The following LYZL1 variants were observed in gnomAD, a reference collection of about 807,000 sequenced individuals.
LYZL1 encodes lysozyme-like protein 1.
LYZL1 carries 16 observed loss-of-function variants against 17.9 expected under a neutral mutation model. The observed-to-expected ratio is 0.90, with a 90% CI of 0.61 to 1.36. LYZL1 has a LOEUF of 1.36. LYZL1 is among the 40% of genes most tolerant of loss of function. The pLI is 0.00. For missense variants in LYZL1, 149 were observed against 188.4 expected, an observed-to-expected ratio of 0.79 and a Z score of 1.22; for synonymous variants, 58 against 71.8, an observed-to-expected ratio of 0.81 and a Z score of 0.97.
intron 3 of LYZL1, among the ~76,000 whole-genome samples, chr10:29,317,096 C>T (rs185027078): frequency 5.1e-4 from 77 of 152,198 alleles, no homozygotes; most frequent in African/African-American, 1.6e-3. Flanking sequence ...TAAATTAATA[C>T]GACACAAGAT....
At chr10:29,293,632 A>C (rs1835407301) in intron 3 of LYZL1, among the ~76,000 whole-genome samples, 3 of 152,168 alleles carry the variant, frequency 2.0e-5, no homozygotes, top group African/African-American at 7.2e-5. Context: ...TCATGTAAGG[A>C]GGAGTGCGCT....
chr10:29,315,369 A>C (rs987820561), downstream of LYZL1, among the ~76,000 whole-genome samples: 5 of 152,030 alleles, frequency 3.3e-5, no homozygotes, highest in African/African-American at 1.2e-4. Flanking sequence ...AAAATTAGAC[A>C]GGCATGGTGG....
intron 3 of LYZL1, among the ~76,000 whole-genome samples, chr10:29,296,775 C>T (rs187004929): frequency 2.6e-5 from 4 of 152,260 alleles, no homozygotes; most frequent in African/African-American, 7.2e-5. Context: ...GAGTGGGACT[C>T]CCCAGTGAAC....
In LYZL1 at chr10:29,292,545, G is replaced by C. The variant is rs564091905; in HGVS notation, c.166G>C (p.Gly56Arg). ...GATCTGCATGGCATATTATGAGAGC[G>C]GCTACAACACCACAGCCCAGACGGT... Reference protein sequence around the residue: ...NWICMAYYESGYNTTAQTVLD... With the variant: ...NWICMAYYESRYNTTAQTVLD... Residue 56 changes from glycine (G) to arginine (R), a missense_variant, in exon 3 of 5, where the codon GGC becomes CGC. Physicochemically the swap from Gly to Arg is moderately radical, Grantham distance 125 (BLOSUM62 -2). Transcript: ENST00000649382. The C allele has an allele frequency of 1.9e-6, 3 of 1,614,146 alleles. No individual in the cohort carries two copies. Among genetic ancestry groups the C allele is most frequent in the Admixed American group, 1.7e-5 (1 of 60,006 alleles).
chr10:29,301,809 C>T (rs1835522733), intron 3 of LYZL1, among the ~76,000 whole-genome samples: 1 of 152,124 alleles, frequency 6.6e-6, no homozygotes. Flanking sequence ...ATTGCTGCTG[C>T]TGTCACATTT....
In LYZL1 at chr10:29,310,107, C is replaced by T; in HGVS notation, c.299-3C>T. On this transcript the variant is annotated splice_region_variant and splice_polypyrimidine_tract_variant and intron_variant, in intron 3 of 4. Transcript: ENST00000649382. Reference sequence around the variant, plus strand: ...TAACCCTGATGTCTTCTCTCTTTTACAGCCTTGATCACTGATGACCTCACA... The same window carrying T: ...TAACCCTGATGTCTTCTCTCTTTTATAGCCTTGATCACTGATGACCTCACA... 6.2e-7 allele frequency: 1 copy of T among 1,607,324 alleles called. No individual in the cohort carries two copies. Among genetic ancestry groups the T allele is most frequent in the Non-Finnish European group, 8.5e-7 (1 of 1,174,476 alleles).
intron 3 of LYZL1, among the ~76,000 whole-genome samples, chr10:29,294,436 G>T (rs1031401722): frequency 1.3e-5 from 2 of 152,244 alleles, no homozygotes; most frequent in Non-Finnish European, 2.9e-5. Context: ...GTCATGGTTG[G>T]TGACATGGAG....
intron 1 of LYZL1, among the ~76,000 whole-genome samples, 185 bp downstream of exon 1, chr10:29,289,415 T>G (rs1008930636): frequency 1.6e-4 from 22 of 141,900 alleles, no homozygotes; most frequent in Admixed American, 1.4e-4. Context: ...CTTTTTTCTT[T>G]TCTTTTTTTT....
At chr10:29,298,948 T>C (rs1181001455) in intron 3 of LYZL1, among the ~76,000 whole-genome samples, 2 of 152,244 alleles carry the variant, frequency 1.3e-5, no homozygotes, top group Non-Finnish European at 1.5e-5. Context: ...GAAATAATTA[T>C]ACAACTCACC....
chr10:29,311,262 A>G (rs1294825465), downstream of LYZL1: 2 of 1,432,222 alleles, frequency 1.4e-6, no homozygotes, highest in Non-Finnish European at 1.8e-6. Context: ...TCATAATAGC[A>G]TGGTGTTAAG....
chr10:29,300,422 C>T (rs75484070), intron 3 of LYZL1, among the ~76,000 whole-genome samples: 7,206 of 152,178 alleles, frequency 0.047, 174 homozygotes, highest in Middle Eastern at 0.12. Context: ...TCTTTAATTT[C>T]TCCCATTTCA....
chr10:29,292,433 C>G (rs1835381959), intron 2 of LYZL1, 86 bp from the exon 3 acceptor site: 3 of 1,553,774 alleles, frequency 1.9e-6, no homozygotes, highest in Non-Finnish European at 2.6e-6. Context: ...AGTCAGGTAA[C>G]AAGGATAAGG....
downstream of LYZL1, among the ~76,000 whole-genome samples, chr10:29,315,116 T>G (rs1783692075): frequency 1.3e-5 from 2 of 152,170 alleles, no homozygotes; most frequent in African/African-American, 4.8e-5. Context: ...TTCCTCTGTG[T>G]CTCCAAAATA....
intron 3 of LYZL1, 111 bp from the exon 4 acceptor site, chr10:29,309,999 C>G (rs1465105078): frequency 1.4e-6 from 1 of 714,842 alleles, no homozygotes; most frequent in African/African-American, 1.8e-5. Context: ...AATCATAGTT[C>G]TTCCAACCCT....
At chr10:29,294,541 C>A (rs1835420814) in intron 3 of LYZL1, among the ~76,000 whole-genome samples, 1 of 152,156 alleles carries the variant, frequency 6.6e-6, no homozygotes, top group Non-Finnish European at 1.5e-5. Context: ...CCCTTGAGGG[C>A]AGAGAGTTCT....
intron 3 of LYZL1, among the ~76,000 whole-genome samples, chr10:29,309,186 C>T (rs1369751014): frequency 1.3e-5 from 2 of 151,508 alleles, no homozygotes; most frequent in African/African-American, 4.9e-5. Flanking sequence ...AAAATTAGCC[C>T]AGCATGGTGG....
intron 3 of LYZL1, among the ~76,000 whole-genome samples, chr10:29,298,814 GGGACCAGTTTGCAGAAGAC>G (rs1325102541): frequency 3.3e-5 from 5 of 152,146 alleles, no homozygotes; most frequent in Non-Finnish European, 2.9e-5. Context: ...TTTGGCACCA[GGGACCAGTTTGCAGAAGAC>G]CAATTTTCCA....
intron 3 of LYZL1, among the ~76,000 whole-genome samples, chr10:29,308,219 T>C (rs539858721): frequency 4.6e-5 from 7 of 152,294 alleles, no homozygotes; most frequent in Admixed American, 3.3e-4. Context: ...TGCTTCAGGA[T>C]TGGCTTCAGG....
intron 3 of LYZL1, among the ~76,000 whole-genome samples, chr10:29,305,896 G>A (rs912912433): frequency 6.6e-6 from 1 of 152,158 alleles, no homozygotes; most frequent in African/African-American, 2.4e-5. Context: ...GCATGCTCGA[G>A]GGAAAATTCC....
Sources: gnomAD v4.1 joint callset for allele counts (sites outside exome capture counted in the v4.1 genomes callset) on GRCh38, gnomAD v4.1.1 for gene constraint, MANE v1.5 for transcripts, NCBI Gene and HGNC (gene_info 2026-07-23, HGNC 2026-07-21) for gene names.